The following B4GALT5 variants were observed in gnomAD, a reference collection of about 807,000 sequenced individuals.
The protein encoded by B4GALT5 is beta-1,4-galactosyltransferase 5.
In B4GALT5, 11 loss-of-function variants were observed where a neutral mutation model predicts 45.0. That is an observed-to-expected ratio of 0.24 (90% CI 0.15 to 0.40). The LOEUF is 0.40. B4GALT5 is among the 10% of genes least tolerant of loss of function. B4GALT5 has a pLI of 1.00. For synonymous variants in B4GALT5, 185 were observed against 182.9 expected (o/e 1.01, Z -0.09); for missense variants, 337 against 500.2 (o/e 0.67, Z 3.11).
intron 1 of B4GALT5, among the ~76,000 whole-genome samples, chr20:49,665,936 A>G (rs2085688580): frequency 6.6e-6 from 1 of 151,934 alleles, no homozygotes; most frequent in Non-Finnish European, 1.5e-5. Context: ...AGAACATGAG[A>G]CGGGAGGCTA....
intron 1 of B4GALT5, among the ~76,000 whole-genome samples, chr20:49,712,865 T>G (rs1189404121): frequency 5.9e-4 from 49 of 82,946 alleles, no homozygotes; most frequent in Admixed American, 8.8e-4. Flanking sequence ...GGAAGAGGCA[T>G]GGGACGCTCA....
At chr20:49,709,877 T>C (rs1213002714) in intron 1 of B4GALT5, among the ~76,000 whole-genome samples, 2 of 152,252 alleles carry the variant, frequency 1.3e-5, no homozygotes, top group East Asian at 1.9e-4. Context: ...AAACACACTA[T>C]TAATAGTCTT....
chr20:49,710,963 G>A (rs2085907660), intron 1 of B4GALT5, among the ~76,000 whole-genome samples: 1 of 151,772 alleles, frequency 6.6e-6, no homozygotes, highest in Non-Finnish European at 1.5e-5. Context: ...TGTACCTGGA[G>A]TCCCAGCTAC....
rs753523700 is a variant in B4GALT5 at position 49,634,149 on chromosome 20, A to G, written c.*2163T>C. 2 of 152,604 alleles carry G rather than the reference A, an allele frequency of 1.3e-5. No individual in the cohort carries two copies. The highest frequency in any genetic ancestry group is 2.9e-5 in the Non-Finnish European group (2 of 68,038). 9.5% of individuals were successfully genotyped at this position (152,604 alleles called of 1,614,324 possible). A position where few individuals can be genotyped will look rare whatever the true frequency, so the allele number is the denominator to read the frequency against. The stretch of plus-strand genomic sequence containing the variant: ...GAGCCGATAAGAGCTTTGCAATGCA[A>G]TTTATTTTCTAAATACCACTCTATT... On this transcript the variant is annotated 3_prime_UTR_variant, in exon 9 of 9. Coordinates refer to ENST00000371711, the MANE Select transcript of B4GALT5 (RefSeq NM_004776.4).
intron 1 of B4GALT5, among the ~76,000 whole-genome samples, chr20:49,682,314 G>A (rs901904972): frequency 2.0e-5 from 3 of 152,242 alleles, no homozygotes; most frequent in African/African-American, 7.2e-5. Context: ...GAGTTGAGTT[G>A]TTGCTATGGA....
At chr20:49,638,392 C>T (rs1205344608) in intron 7 of B4GALT5, among the ~76,000 whole-genome samples, 1 of 152,170 alleles carries the variant, frequency 6.6e-6, no homozygotes, top group East Asian at 1.9e-4. Flanking sequence ...AGCCAAGCTA[C>T]AAAGGAAACA....
At chr20:49,666,040 A>G (rs2085689239) in intron 1 of B4GALT5, among the ~76,000 whole-genome samples, 1 of 152,196 alleles carries the variant, frequency 6.6e-6, no homozygotes. Context: ...GAAACGGTCC[A>G]GGATTGGATT....
At chr20:49,661,286 A>C (rs2085663701) in intron 1 of B4GALT5, among the ~76,000 whole-genome samples, 4 of 151,818 alleles carry the variant, frequency 2.6e-5, no homozygotes, top group Admixed American at 2.6e-4. Flanking sequence ...CCCAAGCTGG[A>C]GTGTAGTGGC....
chr20:49,663,134 G>C (rs1413174437), intron 1 of B4GALT5, among the ~76,000 whole-genome samples: 2 of 152,210 alleles, frequency 1.3e-5, no homozygotes, highest in Admixed American at 1.3e-4. Context: ...ATGATTCCAT[G>C]TAGATAAAAT....
chr20:49,700,822 A>G (rs964455349), intron 1 of B4GALT5, among the ~76,000 whole-genome samples: 7 of 152,236 alleles, frequency 4.6e-5, no homozygotes, highest in African/African-American at 1.4e-4. Flanking sequence ...AGAATGGTGC[A>G]CAATTTAAAA....
chr20:49,702,568 T>TA (rs1216860334), intron 1 of B4GALT5, among the ~76,000 whole-genome samples: 1 of 151,958 alleles, frequency 6.6e-6, no homozygotes, highest in East Asian at 1.9e-4. Flanking sequence ...AAAGAACTCC[T>TA]AACAGGCCGG....
intron 1 of B4GALT5, among the ~76,000 whole-genome samples, chr20:49,658,187 G>A (rs1568720781): frequency 6.6e-6 from 1 of 152,108 alleles, no homozygotes; most frequent in East Asian, 1.9e-4. Flanking sequence ...AGCTAGGAAA[G>A]ATTTTAAGGA....
At chr20:49,678,999 A>G (rs1000508564) in intron 1 of B4GALT5, among the ~76,000 whole-genome samples, 2 of 152,054 alleles carry the variant, frequency 1.3e-5, no homozygotes, top group Admixed American at 1.3e-4. Flanking sequence ...TTACATTAAA[A>G]GGGGCTGGGG....
intron 1 of B4GALT5, among the ~76,000 whole-genome samples, chr20:49,669,414 A>C (rs1223303308): frequency 6.6e-6 from 1 of 152,170 alleles, no homozygotes; most frequent in Non-Finnish European, 1.5e-5. Flanking sequence ...AGAATTACAT[A>C]GGCTGGGCGT....
chr20:49,650,430 C>CCAATAT (rs1249092285), intron 2 of B4GALT5, among the ~76,000 whole-genome samples: 4 of 148,038 alleles, frequency 2.7e-5, no homozygotes, highest in Non-Finnish European at 5.9e-5. Flanking sequence ...ATCAGCCTGG[C>CCAATAT]CAATATGGTG....
chr20:49,636,253 A>T lies in B4GALT5; in HGVS notation c.*59T>A. 6.3e-7 allele frequency: 1 copy of T among 1,591,372 alleles called. No homozygotes were observed. The highest frequency in any genetic ancestry group is 1.7e-5 in the Admixed American group (1 of 57,296). On this transcript the variant is annotated 3_prime_UTR_variant, in exon 9 of 9. Coordinates refer to ENST00000371711, the MANE Select transcript of B4GALT5 (RefSeq NM_004776.4). ...GTAGACCCTCCCCCCTCCAAAAAAAAATCTCATCGGACTGCTTTCTTGGTG... is the reference window on the plus strand; with the variant it reads ...GTAGACCCTCCCCCCTCCAAAAAAATATCTCATCGGACTGCTTTCTTGGTG...
At chr20:49,700,538 G>A (rs764961608) in intron 1 of B4GALT5, among the ~76,000 whole-genome samples, 3 of 151,782 alleles carry the variant, frequency 2.0e-5, no homozygotes, top group African/African-American at 4.8e-5. Flanking sequence ...GGGCTTAAGC[G>A]ATCCTCCAGC....
rs779171403 is a variant in B4GALT5, at chr20:49,639,808, G to A, written c.795-8C>T. 91 of 1,612,044 alleles carry A rather than the reference G, an allele frequency of 5.6e-5. 1 individual carries two copies. Among genetic ancestry groups the A allele is most frequent in the Non-Finnish European group, 2.3e-5 (27 of 1,178,700 alleles). ...AACTCGGTATAAGGAAGCCTAGGAG[G>A]AGATGTGGGACATCAATCATCTGTG... On this transcript the variant is annotated splice_region_variant and splice_polypyrimidine_tract_variant and intron_variant, in intron 6 of 8. Transcript: ENST00000371711.
intron 2 of B4GALT5, among the ~76,000 whole-genome samples, chr20:49,650,922 CT>C (rs2037694495): frequency 6.6e-6 from 1 of 152,146 alleles, no homozygotes; most frequent in African/African-American, 2.4e-5. Context: ...CACAGTTTTA[CT>C]TTTTAATTTA....
Sources: allele counts gnomAD v4.1 joint callset (sites outside exome capture counted in the v4.1 genomes callset), GRCh38; gene constraint gnomAD v4.1.1; transcripts MANE v1.5; gene names NCBI Gene and HGNC (gene_info 2026-07-23, HGNC 2026-07-21).